SLC15A5: variants seen among roughly 807,000 people sequenced by gnomAD.
The protein encoded by SLC15A5 is solute carrier family 15 member 5.
SLC15A5 carries 58 observed loss-of-function variants against 56.1 expected under a neutral mutation model. The observed-to-expected ratio is 1.03, with a 90% CI of 0.84 to 1.29. The LOEUF (loss-of-function observed/expected upper bound fraction) is 1.29, where lower values mean the gene tolerates loss of function less well. Ranked by LOEUF, SLC15A5 falls within the 50% of genes most tolerant of loss-of-function variation. SLC15A5 has a pLI of 0.00. For synonymous variants in SLC15A5, 264 were observed against 250.5 expected, an observed-to-expected ratio of 1.05 and a Z score of -0.51; for missense variants, 681 against 672.1, an observed-to-expected ratio of 1.01 and a Z score of -0.15.
chr12:16,271,835 C>CA lies in SLC15A5; in HGVS notation c.584+725dup, dbSNP rs1864761038. The stretch of plus-strand genomic sequence containing the variant: ...ATATAAATTGTTTCCTTAAAAAACA[C>CA]AAAAACCGACGAACTCCATAAGAAC... On this transcript the variant is annotated intron_variant, in intron 2 of 8. Coordinates refer to ENST00000344941, the MANE Select transcript of SLC15A5 (RefSeq NM_001170798.1). The surrounding 1 kb of genome is among the most constrained non-coding windows in gnomAD (Gnocchi z 8.0). 6.6e-6 allele frequency among the ~76,000 whole-genome samples: 1 copy of CA among 152,028 alleles called. No individual in the cohort carries two copies. The highest frequency in any genetic ancestry group is 2.1e-4 in the South Asian group (1 of 4,816).
At chr12:16,233,532 G>C (rs956105119) in intron 5 of SLC15A5, among the ~76,000 whole-genome samples, 2 of 152,168 alleles carry the variant, frequency 1.3e-5, no homozygotes, top group Non-Finnish European at 2.9e-5. Context: ...AACAGACGGT[G>C]GGCCAGATTT....
At chr12:16,251,565 A>G (rs1001105793) in intron 3 of SLC15A5, among the ~76,000 whole-genome samples, 1 of 151,950 alleles carries the variant, frequency 6.6e-6, no homozygotes, top group African/African-American at 2.4e-5. Flanking sequence ...AAATTATATA[A>G]TCTAGAAGAA....
chr12:16,203,017 T>A (rs1863977267), intron 7 of SLC15A5, among the ~76,000 whole-genome samples: 1 of 152,102 alleles, frequency 6.6e-6, no homozygotes, highest in East Asian at 1.9e-4. Flanking sequence ...GTACAAAGTT[T>A]GAGTTAGACA....
Position 16,239,818 on chromosome 12 carries a change from T to C in SLC15A5, c.1025A>G (p.Asp342Gly). The C allele has an allele frequency of 6.5e-7, 1 of 1,537,168 alleles. No individual in the cohort carries two copies. The highest frequency in any genetic ancestry group is 8.7e-7 in the Non-Finnish European group (1 of 1,146,870). Residue 342 changes from aspartate (D) to glycine (G), a missense_variant, in exon 5 of 9, where the codon GAT becomes GGT. Coordinates refer to ENST00000344941, the MANE Select transcript of SLC15A5 (RefSeq NM_001170798.1). ...LQTMNSNLNL[D>G]GFLLPIAVMN... ...TACTGCAATCGGCAGAAGAAATCCA[T>C]CCAAATTCAGGTTGGAATTCATAGT...
chr12:16,207,682 T>G (rs1359601603), intron 7 of SLC15A5, among the ~76,000 whole-genome samples: 3 of 151,948 alleles, frequency 2.0e-5, no homozygotes, highest in Non-Finnish European at 4.4e-5. Context: ...GTTTTGCTCT[T>G]GTTACCCAGG....
intron 2 of SLC15A5, among the ~76,000 whole-genome samples, chr12:16,261,481 A>T (rs1306863276): frequency 6.6e-6 from 1 of 152,126 alleles, no homozygotes; most frequent in East Asian, 1.9e-4. Context: ...TTATGCATTT[A>T]TCTGTTAATA....
Position 16,193,358 on chromosome 12 carries a change from G to A in SLC15A5, c.1592+987C>T, listed in dbSNP as rs184098720. Among the ~76,000 whole-genome samples the A allele has an allele frequency of 3.5e-3, 525 of 152,140 alleles. 4 individuals carry two copies. The highest frequency in any genetic ancestry group is 0.012 in the African/African-American group (485 of 41,534). ...TTGTTTTCAATTCTGCCTTGCATGA[G>A]GTTTGATTCTTTCTTATGCTGGACC... On this transcript the variant is annotated intron_variant, in intron 8 of 8. Coordinates refer to ENST00000344941, the MANE Select transcript of SLC15A5 (RefSeq NM_001170798.1).
chr12:16,200,373 T>G (rs563996678), intron 7 of SLC15A5, among the ~76,000 whole-genome samples: 3 of 151,860 alleles, frequency 2.0e-5, no homozygotes, highest in Non-Finnish European at 4.4e-5. Flanking sequence ...GGATTTCCCT[T>G]AAGTAATGAA....
intron 7 of SLC15A5, among the ~76,000 whole-genome samples, chr12:16,202,406 T>C (rs1671525): frequency 1 from 151,674 of 152,290 alleles, 75,534 homozygotes; most frequent in Middle Eastern, 1. Context: ...GAGATATCAC[T>C]TCACACCAGT....
rs1332771748 is a variant in SLC15A5, at chr12:16,234,931, T to A, written c.1162+4750A>T. 3.9e-5 allele frequency among the ~76,000 whole-genome samples: 6 copies of A among 152,108 alleles called. No homozygotes were observed. The East Asian group carries it at 1.2e-3, about 29-fold the overall frequency. ...CTATGGGTTTCTATGTGTAGTGTGA[T>A]GTTTGAGTTTCTGATATGTAAGCTC... On this transcript the variant is annotated intron_variant, in intron 5 of 8. Transcript: ENST00000344941.
intron 3 of SLC15A5, among the ~76,000 whole-genome samples, chr12:16,254,450 A>G (rs1187909972): frequency 2.0e-5 from 3 of 152,130 alleles, no homozygotes. Flanking sequence ...TGTACACTTA[A>G]AATGATTAAG....
intron 7 of SLC15A5, among the ~76,000 whole-genome samples, chr12:16,202,477 T>G (rs1863967596): frequency 6.6e-6 from 1 of 152,102 alleles, no homozygotes. Context: ...AAATGAAACC[T>G]TAGTACACTG....
At chr12:16,255,513 C>T (rs1370071749) in intron 3 of SLC15A5, among the ~76,000 whole-genome samples, 4 of 151,950 alleles carry the variant, frequency 2.6e-5, no homozygotes, top group African/African-American at 9.7e-5. Context: ...AATAGTGCCA[C>T]AACCACTATA....
At chr12:16,262,484 C>A (rs1373450850) in intron 2 of SLC15A5, among the ~76,000 whole-genome samples, 1 of 152,174 alleles carries the variant, frequency 6.6e-6, no homozygotes, top group Non-Finnish European at 1.5e-5. Context: ...TAATCACACC[C>A]TCTAAACAAG....
chr12:16,245,136 C>G (rs888783849), intron 3 of SLC15A5, among the ~76,000 whole-genome samples: 1 of 152,152 alleles, frequency 6.6e-6, no homozygotes, highest in African/African-American at 2.4e-5. Context: ...TTAATGAATA[C>G]AATAAACTGA....
chr12:16,217,366 A>G (rs1055707879), intron 6 of SLC15A5, among the ~76,000 whole-genome samples: 2 of 152,160 alleles, frequency 1.3e-5, no homozygotes, highest in Admixed American at 1.3e-4. Context: ...TAATATCATG[A>G]CAATCTATCA....
chr12:16,223,773 C>T (rs895135917), intron 6 of SLC15A5, among the ~76,000 whole-genome samples: 15 of 151,196 alleles, frequency 9.9e-5, no homozygotes, highest in African/African-American at 3.4e-4. Flanking sequence ...TGGAGTGCAG[C>T]GGCACAATCT....
At chr12:16,212,659 G>A (rs1410341335) in intron 7 of SLC15A5, among the ~76,000 whole-genome samples, 1 of 152,156 alleles carries the variant, frequency 6.6e-6, no homozygotes, top group Non-Finnish European at 1.5e-5. Flanking sequence ...AACTTGCAAT[G>A]AGGTCTAGGA....
Position 16,271,426 on chromosome 12 carries a change from G to A in SLC15A5, c.584+1135C>T, listed in dbSNP as rs963083531. Reference sequence around the variant, plus strand: ...AAGAAGGATTTTTCTTTCTCCTTTGGGCAGGTCAAGGAGGCAGAATTTGCT... The same window carrying A: ...AAGAAGGATTTTTCTTTCTCCTTTGAGCAGGTCAAGGAGGCAGAATTTGCT... On this transcript the variant is annotated intron_variant, in intron 2 of 8. Coordinates refer to ENST00000344941, the MANE Select transcript of SLC15A5 (RefSeq NM_001170798.1). The surrounding 1 kb of genome is among the most constrained non-coding windows in gnomAD (Gnocchi z 8.0). 2.6e-5 allele frequency among the ~76,000 whole-genome samples: 4 copies of A among 152,096 alleles called. No individual in the cohort carries two copies. The highest frequency in any genetic ancestry group is 7.2e-5 in the African/African-American group (3 of 41,420).
Sources: gnomAD v4.1 joint callset for allele counts (sites outside exome capture counted in the v4.1 genomes callset) on GRCh38, gnomAD v4.1.1 for gene constraint, Gnocchi (gnomAD v3.1) non-coding constraint, MANE v1.5 for transcripts, NCBI Gene and HGNC (gene_info 2026-07-23, HGNC 2026-07-21) for gene names.